The following GLT8D2 variants were observed in gnomAD, a reference collection of about 807,000 sequenced individuals.
GLT8D2 encodes the protein glycosyltransferase 8 domain containing 2.
Under a neutral mutation model 44.5 loss-of-function variants are expected in GLT8D2, and 45 were observed. That is an observed-to-expected ratio of 1.01 (90% CI 0.80 to 1.30). The LOEUF (loss-of-function observed/expected upper bound fraction) is 1.30. Among genes scored for constraint, GLT8D2 ranks in the 50% most tolerant of loss-of-function variants. The probability of loss-of-function intolerance (pLI) is 0.00; values close to 1 mark genes in which losing one functional copy is unlikely to be tolerated. For missense variants in GLT8D2, 400 were observed against 430.4 expected (o/e 0.93, Z 0.62); for synonymous variants, 156 against 157.2 (o/e 0.99, Z 0.06).
At chr12:104,045,408 C>T (rs911064919) in intron 1 of GLT8D2, among the ~76,000 whole-genome samples, 5 of 152,140 alleles carry the variant, frequency 3.3e-5, no homozygotes, top group Non-Finnish European at 7.3e-5. Context: ...TGCCTGCAGG[C>T]CTGTCTTCAG....
chr12:104,021,831 G>GAA (rs1877683435), intron 1 of GLT8D2, among the ~76,000 whole-genome samples: 1 of 138,772 alleles, frequency 7.2e-6, no homozygotes, highest in Non-Finnish European at 1.6e-5. Context: ...AAAAGAAAGA[G>GAA]AGAAAGGAAG....
intron 1 of GLT8D2, among the ~76,000 whole-genome samples, chr12:104,039,336 A>G (rs1215872515): frequency 1.3e-5 from 2 of 152,234 alleles, no homozygotes; most frequent in African/African-American, 4.8e-5. Context: ...AGCAAAAGAA[A>G]CTACCATCAG....
At chr12:104,016,768 A>AAAG (rs1876779150) in intron 3 of GLT8D2, among the ~76,000 whole-genome samples, 1 of 92,452 alleles carries the variant, frequency 1.1e-5, no homozygotes, top group African/African-American at 4.5e-5. Context: ...AGAAAGAAAG[A>AAAG]AAGAAAGAAG....
intron 1 of GLT8D2, among the ~76,000 whole-genome samples, chr12:104,045,474 G>A (rs1880982999): frequency 2.0e-5 from 3 of 152,186 alleles, no homozygotes; most frequent in Non-Finnish European, 4.4e-5. Flanking sequence ...GCACTGGGCA[G>A]TAGCATCTTC....
At chr12:104,050,336 G>C (rs1881593486), upstream of GLT8D2, 1 of 152,236 alleles carries the variant, frequency 6.6e-6, no homozygotes, top group African/African-American at 2.4e-5. Flanking sequence ...CTTTCAGGGT[G>C]AATTTCTACC....
At chr12:103,999,234 G>A in intron 6 of GLT8D2, 163 bp downstream of exon 6, 1 of 573,566 alleles carries the variant, frequency 1.7e-6, no homozygotes, top group South Asian at 2.9e-5. Context: ...AATCCTTTCT[G>A]TAGCAGCTGG....
At chr12:104,004,078 C>T (rs1874621392) in intron 4 of GLT8D2, among the ~76,000 whole-genome samples, 1 of 152,110 alleles carries the variant, frequency 6.6e-6, no homozygotes, top group South Asian at 2.1e-4. Flanking sequence ...GTTCAACATA[C>T]ACAAATCAAT....
chr12:103,989,241 TCAATGCCTATATGGTC>T lies in GLT8D2; in HGVS notation c.*151_*166del, dbSNP rs2136249641. The T allele has an allele frequency of 2.1e-6, 1 of 475,870 alleles. No homozygotes were observed. The highest frequency in any genetic ancestry group is 3.2e-5 in the East Asian group (1 of 31,326). The allele number at this position is 475,870 out of a possible 1,614,324, so 29.5% of individuals were successfully genotyped here. ...TATCACATGTACTTAAAGAAGTTAA[TCAATGCCTATATGGTC>T]CAAGGTATAATTTGCACACAGTAGT... On this transcript the variant is annotated 3_prime_UTR_variant, in exon 11 of 11. Coordinates refer to ENST00000360814, the MANE Select transcript of GLT8D2 (RefSeq NM_001384711.1).
intron 1 of GLT8D2, among the ~76,000 whole-genome samples, chr12:104,060,524 C>G (rs543031110): frequency 5.3e-5 from 8 of 152,278 alleles, no homozygotes; most frequent in Admixed American, 1.3e-4. Flanking sequence ...CCCGCTGTAC[C>G]TATGAATATG....
At chr12:104,011,143 A>T (rs554241436) in intron 4 of GLT8D2, among the ~76,000 whole-genome samples, 18 of 152,354 alleles carry the variant, frequency 1.2e-4, no homozygotes, top group Non-Finnish European at 2.5e-4. Context: ...ATGAAGGACA[A>T]ATGCACACTG....
chr12:104,060,230 C>CA (rs1027097450), intron 1 of GLT8D2, among the ~76,000 whole-genome samples: 1 of 152,176 alleles, frequency 6.6e-6, no homozygotes, highest in African/African-American at 2.4e-5. Context: ...CTATTTCCTT[C>CA]ATGAGTGCCT....
Position 104,021,948 on chromosome 12 carries a change from GA to G in GLT8D2, c.-163-458del, listed in dbSNP as rs1566202520. 6.1e-3 allele frequency among the ~76,000 whole-genome samples: 119 copies of G among 19,602 alleles called. 2 individuals are homozygous for G. Among genetic ancestry groups the G allele is most frequent in the East Asian group, 0.038 (10 of 260 alleles). 12.9% of individuals were successfully genotyped at this position (19,602 alleles called of 152,430 possible). A position where few individuals can be genotyped will look rare whatever the true frequency, so the allele number is the denominator to read the frequency against. On this transcript the variant is annotated intron_variant, in intron 1 of 10. Coordinates refer to ENST00000360814, the MANE Select transcript of GLT8D2 (RefSeq NM_001384711.1). The stretch of plus-strand genomic sequence containing the variant: ...AGAAGAAGAAGAAGAAGAAGAAGAA[GA>G]AGAAGAGGAAGAAGAGGAAGAGGAA...
At chr12:104,002,874 G>C (rs1323973247) in intron 5 of GLT8D2, among the ~76,000 whole-genome samples, 2 of 152,146 alleles carry the variant, frequency 1.3e-5, no homozygotes. Flanking sequence ...GAGCCAGGGA[G>C]GTCAAGGCTG....
rs751178279 is a variant in GLT8D2, at chr12:104,015,064, C to T, written c.61G>A (p.Val21Met). Residue 21 changes from valine to methionine, a missense_variant, in exon 4 of 11, where the codon GTG (valine) becomes ATG (methionine). By Grantham distance (21) the Val-to-Met change is conservative. Transcript: ENST00000360814. ...TTATGAACTTTCTTATACAGAATCA[C>T]ACAGAGGGTCACGATCAGAAGGAAC... Reference protein sequence around the residue: ...LLFLLIVTLCVILYKKVHKGT... With the variant: ...LLFLLIVTLCMILYKKVHKGT... The T allele has an allele frequency of 6.2e-7, 1 of 1,613,810 alleles. No individual in the cohort carries two copies. The highest frequency in any genetic ancestry group is 1.3e-5 in the African/African-American group (1 of 74,896).
At chr12:104,035,827 A>G (rs1461963952) in intron 1 of GLT8D2, among the ~76,000 whole-genome samples, 1 of 152,180 alleles carries the variant, frequency 6.6e-6, no homozygotes, top group Non-Finnish European at 1.5e-5. Flanking sequence ...AGCACCGCAA[A>G]GATATTCCTC....
At chr12:104,051,045 C>A (rs1198216720), upstream of GLT8D2, among the ~76,000 whole-genome samples, 4 of 151,866 alleles carry the variant, frequency 2.6e-5, no homozygotes, top group Non-Finnish European at 5.9e-5. Flanking sequence ...AAACACCTGA[C>A]CTCAGGTGAT....
At chr12:103,997,019 GC>G (rs2136279863) in intron 7 of GLT8D2, among the ~76,000 whole-genome samples, 172 bp from the exon 8 acceptor site, 1 of 152,272 alleles carries the variant, frequency 6.6e-6, no homozygotes, top group Admixed American at 6.5e-5. Context: ...GATTTAGAAA[GC>G]CACTGGATGA....
At chr12:104,040,249 A>G (rs1295250572) in intron 1 of GLT8D2, among the ~76,000 whole-genome samples, 1 of 152,196 alleles carries the variant, frequency 6.6e-6, no homozygotes, top group Non-Finnish European at 1.5e-5. Context: ...TACCTATGTA[A>G]CAAACCTGCA....
chr12:104,044,405 C>G (rs561875521), intron 1 of GLT8D2, among the ~76,000 whole-genome samples: 1 of 152,302 alleles, frequency 6.6e-6, no homozygotes, highest in South Asian at 2.1e-4. Flanking sequence ...TGCCATACAC[C>G]CAGCATCTAG....
Sources: allele counts gnomAD v4.1 joint callset (sites outside exome capture counted in the v4.1 genomes callset), GRCh38; gene constraint gnomAD v4.1.1; transcripts MANE v1.5; gene names NCBI Gene and HGNC (gene_info 2026-07-23, HGNC 2026-07-21).